The following CLDN14 variants were observed in gnomAD, a reference collection of about 807,000 sequenced individuals.
CLDN14 encodes the protein claudin 14, also known as claudin-14.
Under a neutral mutation model 2.1 loss-of-function variants are expected in CLDN14, and 2 were observed. The ratio of observed to expected loss-of-function variants is 0.96; its 90% CI spans 0.39 to 3.01. The LOEUF (loss-of-function observed/expected upper bound fraction) is 3.01, where lower values mean the gene tolerates loss of function less well. Ranked by LOEUF, CLDN14 falls within the 30% of genes most tolerant of loss-of-function variation. The pLI is 0.09. For missense variants in CLDN14, 298 were observed against 328.0 expected (o/e 0.91, Z 0.71); for synonymous variants, 136 against 154.4 (o/e 0.88, Z 0.88).
At chr21:36,468,820 C>T (rs1272453006) in intron 1 of CLDN14, among the ~76,000 whole-genome samples, 1 of 151,348 alleles carries the variant, frequency 6.6e-6, no homozygotes, top group Non-Finnish European at 1.5e-5. Context: ...AGTACAGTGG[C>T]ACGATCTTGG....
intron 2 of CLDN14, among the ~76,000 whole-genome samples, chr21:36,491,646 G>A (rs1159377850): frequency 3.9e-5 from 6 of 152,158 alleles, no homozygotes; most frequent in African/African-American, 1.4e-4. Flanking sequence ...AAGCAAATAA[G>A]CAAATGGTCA....
At position 36,551,891 on chromosome 21, in the gene CLDN14, G is replaced by A. The variant is rs529858171; in HGVS notation, c.-220+24520C>T. 6.2e-4 allele frequency among the ~76,000 whole-genome samples: 94 copies of A among 152,294 alleles called. No homozygotes were observed. Among genetic ancestry groups the A allele is most frequent in the African/African-American group, 1.9e-3 (81 of 41,562 alleles). On this transcript the variant is annotated intron_variant, in intron 1 of 2. Coordinates refer to the CLDN14 transcript ENST00000342108. The surrounding 1 kb of genome is among the most constrained non-coding windows in gnomAD (Gnocchi z 4.8). ...CCCAACAGCCCTGCTGCTCCCAGCC[G>A]CAGACAAGCCATCCTTCTTGGCTGC...
chr21:36,534,095 C>T (rs1385194576), intron 1 of CLDN14, among the ~76,000 whole-genome samples: 2 of 152,022 alleles, frequency 1.3e-5, no homozygotes. Flanking sequence ...AGTGAAGTGG[C>T]TTTAAATTTT....
chr21:36,465,566 A>G (rs572209916), intron 1 of CLDN14, among the ~76,000 whole-genome samples: 1 of 152,304 alleles, frequency 6.6e-6, no homozygotes, highest in South Asian at 2.1e-4. Flanking sequence ...GGGGCCTTTC[A>G]AGGGAAAAAC....
At chr21:36,522,106 A>T (rs928873008) in intron 1 of CLDN14, among the ~76,000 whole-genome samples, 1 of 152,150 alleles carries the variant, frequency 6.6e-6, no homozygotes, top group Non-Finnish European at 1.5e-5. Context: ...AATCAAACTG[A>T]TTCCCAAACT....
chr21:36,477,405 G>A (rs28653283), intron 1 of CLDN14: 1 of 152,190 alleles, frequency 6.6e-6, no homozygotes, highest in Admixed American at 6.5e-5. Context: ...ATGCCTCTGC[G>A]AATATCTGCC....
intron 1 of CLDN14, among the ~76,000 whole-genome samples, chr21:36,533,160 G>C (rs989395636): frequency 6.6e-6 from 1 of 152,226 alleles, no homozygotes; most frequent in Non-Finnish European, 1.5e-5. Flanking sequence ...GCAGGGCTTA[G>C]CTCGGGTGGG....
At chr21:36,575,458 C>T (rs946033872) in intron 1 of CLDN14, among the ~76,000 whole-genome samples, 6 of 152,128 alleles carry the variant, frequency 3.9e-5, no homozygotes, top group African/African-American at 7.2e-5. Flanking sequence ...TAACTTCTAT[C>T]GAGTATGTGT....
chr21:36,547,915 A>G (rs1366247274), intron 1 of CLDN14, among the ~76,000 whole-genome samples: 1 of 152,212 alleles, frequency 6.6e-6, no homozygotes, highest in African/African-American at 2.4e-5. Context: ...CTTCTTTTGA[A>G]AAGAAAGGCC....
intron 1 of CLDN14, among the ~76,000 whole-genome samples, chr21:36,575,102 A>G (rs1483766182): frequency 6.6e-6 from 1 of 152,216 alleles, no homozygotes; most frequent in African/African-American, 2.4e-5. Flanking sequence ...TTCTCTTTTT[A>G]TGGAATTGAA....
In CLDN14 at chr21:36,499,230, C is replaced by A. The variant is rs531685932; in HGVS notation, c.-82+11133G>T. On this transcript the variant is annotated intron_variant, in intron 2 of 2. Transcript: ENST00000342108. This position sits in a 1 kb window ranked among gnomAD's most constrained non-coding sequence, Gnocchi z 4.7. ...CTTCAGCACTTTGATGTGAATGGGG[C>A]CATTGCTTTCAGCTTTCTCCAAGGT... is the stretch of plus-strand genomic sequence containing the variant. 6.6e-6 allele frequency among the ~76,000 whole-genome samples: 1 copy of A among 152,282 alleles called. No homozygotes were observed. Among genetic ancestry groups the A allele is most frequent in the East Asian group, 1.9e-4 (1 of 5,174 alleles).
At chr21:36,523,773 G>GAGAGAGAGAGAGAGAGAA (rs2087294556) in intron 1 of CLDN14, among the ~76,000 whole-genome samples, 1 of 15,690 alleles carries the variant, frequency 6.4e-5, no homozygotes, top group Non-Finnish European at 2.7e-4. Flanking sequence ...GAAAGAAAGA[G>GAGAGAGAGAGAGAGAGAA]AGAAAGAGAG....
chr21:36,510,953 G>A (rs1382033599), intron 1 of CLDN14, among the ~76,000 whole-genome samples: 1 of 152,202 alleles, frequency 6.6e-6, no homozygotes, highest in African/African-American at 2.4e-5. Context: ...TTTAATAAGA[G>A]GTAGATATGT....
At chr21:36,489,131 A>AAAAAAAAAAAAT in intron 2 of CLDN14, among the ~76,000 whole-genome samples, 4 of 62,746 alleles carry the variant, frequency 6.4e-5, no homozygotes, top group African/African-American at 5.9e-5. Context: ...AAAAAAAAAA[A>AAAAAAAAAAAAT]ATATATATAT....
chr21:36,502,958 C>T (rs193053857), intron 2 of CLDN14, among the ~76,000 whole-genome samples: 1 of 152,346 alleles, frequency 6.6e-6, no homozygotes, highest in East Asian at 1.9e-4. Context: ...TAATTCAGAT[C>T]TCTGAGAAGT....
At chr21:36,534,878 G>A (rs2146504839) in intron 1 of CLDN14, among the ~76,000 whole-genome samples, 1 of 152,216 alleles carries the variant, frequency 6.6e-6, no homozygotes, top group African/African-American at 2.4e-5. Context: ...ATACCAAGAG[G>A]AAATGCAACC....
At chr21:36,517,376 A>T (rs770759189) in intron 1 of CLDN14, among the ~76,000 whole-genome samples, 1 of 152,226 alleles carries the variant, frequency 6.6e-6, no homozygotes, top group Non-Finnish European at 1.5e-5. Context: ...CTTTACAGTA[A>T]AAGTTTGCCA....
intron 1 of CLDN14, among the ~76,000 whole-genome samples, chr21:36,471,781 C>T (rs567446078): frequency 1.6e-4 from 24 of 152,320 alleles, no homozygotes; most frequent in African/African-American, 4.3e-4. Context: ...CTGTGAATTT[C>T]GTAAGCCTCT....
intron 1 of CLDN14, among the ~76,000 whole-genome samples, chr21:36,477,791 C>T (rs900591777): frequency 2.0e-5 from 3 of 152,198 alleles, no homozygotes; most frequent in Admixed American, 1.3e-4. Flanking sequence ...GCAAATGGCC[C>T]AGAGTAGAAA....
Sources: allele counts gnomAD v4.1 joint callset (sites outside exome capture counted in the v4.1 genomes callset), GRCh38; gene constraint gnomAD v4.1.1; non-coding constraint Gnocchi (gnomAD v3.1); transcripts MANE v1.5; gene names NCBI Gene and HGNC (gene_info 2026-07-23, HGNC 2026-07-21).